SUGCT: variants seen among roughly 807,000 people sequenced by gnomAD.
The protein encoded by SUGCT is succinyl-CoA:glutarate CoA-transferase.
Under a neutral mutation model 55.0 loss-of-function variants are expected in SUGCT, and 41 were observed. That is an observed-to-expected ratio of 0.74 (90% CI 0.58 to 0.97). The LOEUF is 0.97. Ranked by LOEUF, SUGCT falls within the 50% of genes least tolerant of loss-of-function variation. SUGCT has a pLI of 0.00. For missense variants in SUGCT, 568 were observed against 547.8 expected (o/e 1.04, Z -0.37); for synonymous variants, 187 against 200.4 (o/e 0.93, Z 0.56).
chr7:40,276,290 C>T (rs576903190), intron 8 of SUGCT, among the ~76,000 whole-genome samples: 2 of 152,168 alleles, frequency 1.3e-5, no homozygotes, highest in African/African-American at 4.8e-5. Flanking sequence ...TCTTTTCTTC[C>T]TCTAATTTTA....
intron 9 of SUGCT, among the ~76,000 whole-genome samples, chr7:40,437,000 C>A (rs1583672725): frequency 6.6e-6 from 1 of 152,150 alleles, no homozygotes; most frequent in African/African-American, 2.4e-5. Flanking sequence ...ACAGTTAGTT[C>A]AGGTTTCTTA....
At chr7:40,661,143 G>A (rs1042030522) in intron 12 of SUGCT, among the ~76,000 whole-genome samples, 11 of 152,172 alleles carry the variant, frequency 7.2e-5, no homozygotes, top group African/African-American at 2.7e-4. Flanking sequence ...TGTCTAAGAT[G>A]TTCATTTCAC....
chr7:40,412,384 G>A (rs760851197), intron 9 of SUGCT, among the ~76,000 whole-genome samples: 4 of 152,182 alleles, frequency 2.6e-5, no homozygotes, highest in Non-Finnish European at 4.4e-5. Flanking sequence ...TAGCCAAAAT[G>A]TGCTGTCCAA....
chr7:40,964,506 C>A, the SUGCT span, among the ~76,000 whole-genome samples: 1 of 152,086 alleles, frequency 6.6e-6, no homozygotes, highest in Non-Finnish European at 1.5e-5. Context: ...GCACTTGGAT[C>A]CCTCTGGGTG....
chr7:40,644,019 G>A (rs1475108562), intron 12 of SUGCT, among the ~76,000 whole-genome samples: 1 of 152,070 alleles, frequency 6.6e-6, no homozygotes, highest in African/African-American at 2.4e-5. Context: ...GGATGGGTGC[G>A]GGAAGGTAGG....
At chr7:40,404,261 G>T (rs1358402575) in intron 9 of SUGCT, among the ~76,000 whole-genome samples, 2 of 152,102 alleles carry the variant, frequency 1.3e-5, no homozygotes, top group African/African-American at 4.8e-5. Flanking sequence ...AGCCGATGAA[G>T]TTTCTTACAG....
intron 12 of SUGCT, among the ~76,000 whole-genome samples, chr7:40,543,499 T>G (rs1399899635): frequency 1.3e-5 from 2 of 152,348 alleles, no homozygotes; most frequent in African/African-American, 2.4e-5. Flanking sequence ...GTTTAACATC[T>G]TGCAGTTTGA....
At chr7:40,591,887 CTATT>C (rs1298255758) in intron 12 of SUGCT, among the ~76,000 whole-genome samples, 1 of 152,146 alleles carries the variant, frequency 6.6e-6, no homozygotes, top group Non-Finnish European at 1.5e-5. Flanking sequence ...GTAAACATAA[CTATT>C]ATATGCACTG....
chr7:40,928,956 T>A, the SUGCT span, among the ~76,000 whole-genome samples: 1 of 152,178 alleles, frequency 6.6e-6, no homozygotes, highest in Non-Finnish European at 1.5e-5. Flanking sequence ...AATTGTACTT[T>A]AAGTTCTAGG....
chr7:40,617,617 C>G (rs368258568), intron 12 of SUGCT, among the ~76,000 whole-genome samples: 1 of 151,040 alleles, frequency 6.6e-6, no homozygotes. Context: ...AAATAACTTA[C>G]TGGGATTAAA....
the SUGCT span, among the ~76,000 whole-genome samples, chr7:40,894,960 G>A: frequency 1.2e-4 from 18 of 152,216 alleles, no homozygotes; most frequent in Admixed American, 2.6e-4. Flanking sequence ...CCATTATTGA[G>A]TATATAACCA....
intron 12 of SUGCT, among the ~76,000 whole-genome samples, chr7:40,616,172 C>T (rs1384197148): frequency 6.6e-6 from 1 of 151,928 alleles, no homozygotes; most frequent in Non-Finnish European, 1.5e-5. Flanking sequence ...TTTGAAGAAA[C>T]CAGGAACTAG....
the SUGCT span, among the ~76,000 whole-genome samples, chr7:40,907,425 A>G: frequency 1.3e-5 from 2 of 152,194 alleles, no homozygotes; most frequent in Non-Finnish European, 2.9e-5. Context: ...CAGGTATAAT[A>G]ATACTCGTTT....
At chr7:40,827,684 G>A (rs1385026329) in intron 13 of SUGCT, among the ~76,000 whole-genome samples, 1 of 152,150 alleles carries the variant, frequency 6.6e-6, no homozygotes, top group East Asian at 1.9e-4. Flanking sequence ...TTGTCTTTGT[G>A]GCCAGGATAC....
At chr7:40,209,573 A>T (rs1787211196) in intron 6 of SUGCT, among the ~76,000 whole-genome samples, 1 of 152,190 alleles carries the variant, frequency 6.6e-6, no homozygotes, top group Non-Finnish European at 1.5e-5. Context: ...AAGGCGGCTG[A>T]ATCACCTGAG....
chr7:40,549,860 G>A (rs1031979328), intron 12 of SUGCT, among the ~76,000 whole-genome samples: 4 of 152,132 alleles, frequency 2.6e-5, no homozygotes, highest in East Asian at 1.9e-4. Flanking sequence ...AGGGTAGCTC[G>A]GGGTCAGATT....
intron 12 of SUGCT, among the ~76,000 whole-genome samples, chr7:40,546,147 A>T (rs1047720692): frequency 6.6e-6 from 1 of 152,176 alleles, no homozygotes. Flanking sequence ...ACAGGACATC[A>T]TTACATGTAG....
chr7:40,401,799 G>A (rs1057361243), intron 9 of SUGCT, among the ~76,000 whole-genome samples: 8 of 152,148 alleles, frequency 5.3e-5, no homozygotes, highest in African/African-American at 1.9e-4. Flanking sequence ...AAACAACTTG[G>A]TGAATATTTA....
chr7:40,546,545 A>G (rs867890971), intron 12 of SUGCT, among the ~76,000 whole-genome samples: 1 of 152,214 alleles, frequency 6.6e-6, no homozygotes, highest in South Asian at 2.1e-4. Context: ...TAAGACAACA[A>G]AATTAAGCCA....
Sources: allele counts gnomAD v4.1 joint callset (sites outside exome capture counted in the v4.1 genomes callset), GRCh38; gene constraint gnomAD v4.1.1; transcripts MANE v1.5; gene names NCBI Gene and HGNC (gene_info 2026-07-23, HGNC 2026-07-21).